SIL1: variants seen among roughly 807,000 people sequenced by gnomAD.
SIL1 encodes SIL1 nucleotide exchange factor.
In SIL1, 40 loss-of-function variants were observed where a neutral mutation model predicts 49.1. That is an observed-to-expected ratio of 0.81 (90% confidence interval 0.63 to 1.06). SIL1 has a LOEUF of 1.06. Ranked by LOEUF, SIL1 falls within the 50% of genes least tolerant of loss-of-function variation. The pLI is 0.00. For synonymous variants in SIL1, 253 were observed against 250.8 expected (o/e 1.01, Z -0.08); for missense variants, 500 against 572.6 (o/e 0.87, Z 1.29).
chr5:139,181,688 T>C lies in SIL1; in HGVS notation c.-11+16581A>G, dbSNP rs1467985557. 3.3e-5 allele frequency among the ~76,000 whole-genome samples: 5 copies of C among 152,294 alleles called. No homozygotes were observed. The East Asian group carries it at 9.7e-4, about 29-fold the overall frequency. ...ACTAAACTGGCTGCTCAGCCTTCTT[T>C]ATAGGACCCGCCAGAGTCCAGGATA... On this transcript the variant is annotated intron_variant, in intron 1 of 9. Transcript: ENST00000394817.
At chr5:139,057,383 A>G (rs1769476897) in intron 3 of SIL1, among the ~76,000 whole-genome samples, 1 of 151,446 alleles carries the variant, frequency 6.6e-6, no homozygotes, top group South Asian at 2.1e-4. Context: ...TGAGACACCC[A>G]CGGAGAAGAA....
intron 7 of SIL1, among the ~76,000 whole-genome samples, chr5:138,957,414 T>TAAA (rs58144526): frequency 1.1e-3 from 97 of 91,422 alleles, no homozygotes; most frequent in African/African-American, 2.6e-3. Context: ...TCTGCAAAAG[T>TAAA]AAAAAAAAAA....
rs201222730 is a variant in SIL1, at chr5:139,026,887, G to A, written c.559C>T (p.Arg187Trp). ...VIETDMQIMV[R>W]LINKFNSSSS... The stretch of plus-strand genomic sequence containing the variant: ...GAACTATTGAACTTGTTGATCAGCC[G>A]TACCATGATCTGCATGTCAGTCTCA... Residue 187 changes from arginine to tryptophan, a missense_variant, in exon 6 of 10, where the codon CGG (arginine) becomes TGG (tryptophan). Physicochemically the swap from Arg to Trp is moderately radical, Grantham distance 101 (BLOSUM62 -3). Transcript: ENST00000394817. The A allele has an allele frequency of 2.2e-5, 36 of 1,614,042 alleles. No homozygotes were observed. Among genetic ancestry groups the A allele is most frequent in the South Asian group, 3.3e-5 (3 of 91,092 alleles).
At position 139,021,231 on chromosome 5, in the gene SIL1, T is replaced by A. The variant is rs919657646; in HGVS notation, c.707A>T (p.Asn236Ile). 6.2e-7 allele frequency: 1 copy of A among 1,614,144 alleles called. No homozygotes were observed. The highest frequency in any genetic ancestry group is 8.5e-7 in the Non-Finnish European group (1 of 1,180,024). The change falls in exon 7 of 10, where the codon AAC becomes ATC. Residue 236 changes from asparagine to isoleucine, a missense_variant. Coordinates refer to ENST00000394817, the MANE Select transcript of SIL1 (RefSeq NM_022464.5). ...GGLQVVINGL[N>I]STEPLVKEYA... ...CTCCTTCACGAGGGGCTCTGTGCTG[T>A]TCAGCCCATTGATCACCACTTGAAG...
At chr5:139,098,479 C>G (rs747501130) in intron 3 of SIL1, among the ~76,000 whole-genome samples, 11 of 152,170 alleles carry the variant, frequency 7.2e-5, no homozygotes, top group Admixed American at 5.9e-4. Context: ...AGATCCCAAA[C>G]TATGAAACTA....
At chr5:139,067,235 C>T (rs1167256498) in intron 3 of SIL1, among the ~76,000 whole-genome samples, 1 of 152,168 alleles carries the variant, frequency 6.6e-6, no homozygotes, top group East Asian at 1.9e-4. Flanking sequence ...AATTCCACAG[C>T]ATCACTCCTC....
chr5:139,107,997 T>C (rs984449639), intron 3 of SIL1: 3 of 152,182 alleles, frequency 2.0e-5, no homozygotes, highest in African/African-American at 7.2e-5. Context: ...TCTAAAACAC[T>C]ATACTACATG....
At chr5:139,055,895 GCTC>G (rs906151899) in intron 3 of SIL1, among the ~76,000 whole-genome samples, 8 of 152,036 alleles carry the variant, frequency 5.3e-5, no homozygotes, top group Non-Finnish European at 4.4e-5. Context: ...CCAGTCTCCA[GCTC>G]CTAACCGCGA....
chr5:139,038,113 A>G (rs966794215), intron 5 of SIL1, among the ~76,000 whole-genome samples: 5 of 152,162 alleles, frequency 3.3e-5, no homozygotes, highest in African/African-American at 1.2e-4. Flanking sequence ...AAATCTAATT[A>G]CCTTCCAAAG....
intron 7 of SIL1, among the ~76,000 whole-genome samples, chr5:138,980,714 G>T (rs1767498218): frequency 6.6e-6 from 1 of 152,188 alleles, no homozygotes; most frequent in Non-Finnish European, 1.5e-5. Flanking sequence ...GATGAAAAAT[G>T]GTGCCAATTA....
At chr5:138,956,084 C>T (rs942033454) in intron 7 of SIL1, among the ~76,000 whole-genome samples, 1 of 152,228 alleles carries the variant, frequency 6.6e-6, no homozygotes, top group Non-Finnish European at 1.5e-5. Context: ...TGCTCACTCA[C>T]GCGTCCTCGT....
chr5:138,955,664 G>C (rs1223407101), intron 7 of SIL1, among the ~76,000 whole-genome samples: 1 of 152,184 alleles, frequency 6.6e-6, no homozygotes, highest in East Asian at 1.9e-4. Flanking sequence ...CTTCACCCTT[G>C]GGCTCAGGGC....
rs556295273 is a variant in SIL1, at chr5:139,062,835, C to T, written c.245-11789G>A. On this transcript the variant is annotated intron_variant, in intron 3 of 9. Coordinates refer to ENST00000394817, the MANE Select transcript of SIL1 (RefSeq NM_022464.5). The stretch of plus-strand genomic sequence containing the variant: ...CTCCTGAGGACTGGGCAAGAGTCTG[C>T]TCTTTTCCAGGCATTCCTTCTGCCA... Among the ~76,000 whole-genome samples the T allele has an allele frequency of 2.0e-5, 3 of 152,360 alleles. No individual in the cohort carries two copies. In the South Asian group the frequency reaches 6.2e-4, roughly 32 times the overall value.
intron 1 of SIL1, among the ~76,000 whole-genome samples, chr5:139,134,483 G>A (rs1256792954): frequency 1.3e-5 from 2 of 152,074 alleles, no homozygotes; most frequent in African/African-American, 4.8e-5. Context: ...TGGACCCGCA[G>A]CCCATCAGAG....
chr5:139,132,655 C>T (rs1549203), intron 1 of SIL1, among the ~76,000 whole-genome samples: 56,696 of 151,876 alleles, frequency 0.37, 10,701 homozygotes, highest in Middle Eastern at 0.41. Flanking sequence ...ACAGGGGCAT[C>T]CAGAGAGCAA....
chr5:139,040,217 T>A (rs1045929412), intron 5 of SIL1, among the ~76,000 whole-genome samples: 2 of 152,142 alleles, frequency 1.3e-5, no homozygotes, highest in Non-Finnish European at 2.9e-5. Flanking sequence ...TCAAATCCAT[T>A]TATTTGCCAA....
intron 7 of SIL1, among the ~76,000 whole-genome samples, chr5:138,958,682 A>T (rs1440163804): frequency 2.6e-5 from 4 of 152,050 alleles, no homozygotes; most frequent in Admixed American, 6.5e-5. Context: ...TTTTTGGATC[A>T]GGGATGCTCA....
At chr5:139,128,023 T>C in intron 1 of SIL1, 170 bp from the exon 2 acceptor site, 3 of 644,510 alleles carry the variant, frequency 4.7e-6, no homozygotes, top group Non-Finnish European at 8.7e-6. Flanking sequence ...TCTACCATGG[T>C]GGGTCCAGCC....
chr5:139,072,726 T>C (rs1769861590), intron 3 of SIL1, among the ~76,000 whole-genome samples: 1 of 152,046 alleles, frequency 6.6e-6, no homozygotes, highest in South Asian at 2.1e-4. Flanking sequence ...TACATCAAAC[T>C]AAAAAGCTTC....
Sources: allele counts gnomAD v4.1 joint callset (sites outside exome capture counted in the v4.1 genomes callset), GRCh38; gene constraint gnomAD v4.1.1; transcripts MANE v1.5; gene names NCBI Gene and HGNC (gene_info 2026-07-23, HGNC 2026-07-21).